The following TNS3 variants were observed in gnomAD, a reference collection of about 807,000 sequenced individuals.
The protein encoded by TNS3 is tensin 3, also known as tensin-3.
In TNS3, 45 loss-of-function variants were observed where a neutral mutation model predicts 140.9. The observed-to-expected ratio is 0.32, with a 90% CI of 0.25 to 0.41. The LOEUF (loss-of-function observed/expected upper bound fraction) is 0.41. TNS3 is among the 10% of genes least tolerant of loss of function. The pLI is 1.00. For synonymous variants in TNS3, 815 were observed against 788.4 expected, an observed-to-expected ratio of 1.03 and a Z score of -0.56; for missense variants, 1,716 against 1,906.7, an observed-to-expected ratio of 0.90 and a Z score of 1.86.
At chr7:47,437,359 A>G (rs895434159) in intron 6 of TNS3, 46 bp from the exon 7 acceptor site, 1 of 920,266 alleles carries the variant, frequency 1.1e-6, no homozygotes, top group Non-Finnish European at 1.5e-6. Flanking sequence ...AGATTTTAAT[A>G]TTTTAAAAAT....
At chr7:47,500,240 G>A (rs936881801) in intron 3 of TNS3, among the ~76,000 whole-genome samples, 7 of 152,190 alleles carry the variant, frequency 4.6e-5, no homozygotes, top group Non-Finnish European at 8.8e-5. Flanking sequence ...GTGCACGGCC[G>A]AGAGCTACCC....
chr7:47,323,054 C>T (rs1306249469), intron 20 of TNS3, among the ~76,000 whole-genome samples: 1 of 152,206 alleles, frequency 6.6e-6, no homozygotes, highest in Non-Finnish European at 1.5e-5. Context: ...CAGCTCTGCA[C>T]ACCCTGGGCC....
At chr7:47,530,838 A>AAAAAAATATATATATATATATATAT in intron 1 of TNS3, among the ~76,000 whole-genome samples, 1 of 54,564 alleles carries the variant, frequency 1.8e-5, no homozygotes, top group African/African-American at 7.9e-5. Context: ...AAAAAAAAAA[A>AAAAAAATATATATATATATATATAT]ATATATATAT....
chr7:47,466,723 T>C (rs1244075098), intron 4 of TNS3, among the ~76,000 whole-genome samples: 1 of 152,206 alleles, frequency 6.6e-6, no homozygotes, highest in East Asian at 1.9e-4. Flanking sequence ...ACTCCCCTTT[T>C]GTGATAGTGC....
chr7:47,295,263 T>A (rs1405310548), intron 24 of TNS3, among the ~76,000 whole-genome samples: 2 of 152,200 alleles, frequency 1.3e-5, no homozygotes, highest in Non-Finnish European at 2.9e-5. Context: ...AGTTATATAC[T>A]CTCATCTAGA....
chr7:47,503,029 G>A (rs1339549231), intron 3 of TNS3, among the ~76,000 whole-genome samples: 1 of 152,150 alleles, frequency 6.6e-6, no homozygotes, highest in East Asian at 1.9e-4. Context: ...ATTAAAGGGG[G>A]AGCTGCGCAT....
chr7:47,412,431 TAA>T (rs1451677978), intron 12 of TNS3, among the ~76,000 whole-genome samples: 1 of 152,106 alleles, frequency 6.6e-6, no homozygotes, highest in Non-Finnish European at 1.5e-5. Context: ...CCAGCCTGGC[TAA>T]CATAGTGAAA....
At chr7:47,518,978 A>C (rs1798872965) in intron 2 of TNS3, among the ~76,000 whole-genome samples, 1 of 152,120 alleles carries the variant, frequency 6.6e-6, no homozygotes. Context: ...GCACTGACTA[A>C]TGTTGATGAA....
At chr7:47,521,654 G>C (rs1798984257) in intron 2 of TNS3, among the ~76,000 whole-genome samples, 1 of 152,098 alleles carries the variant, frequency 6.6e-6, no homozygotes, top group Non-Finnish European at 1.5e-5. Flanking sequence ...CCTGGTGCTT[G>C]AGCTGAAACC....
intron 16 of TNS3, among the ~76,000 whole-genome samples, chr7:47,382,132 G>T (rs1791803160): frequency 6.6e-6 from 1 of 152,146 alleles, no homozygotes; most frequent in South Asian, 2.1e-4. Flanking sequence ...AACGGCCAAG[G>T]TACCTTTATC....
chr7:47,550,187 C>T (rs1466324139), intron 1 of TNS3, among the ~76,000 whole-genome samples: 1 of 152,164 alleles, frequency 6.6e-6, no homozygotes, highest in African/African-American at 2.4e-5. Context: ...TCACCCTGCC[C>T]TTCACCTATC....
chr7:47,447,763 C>T (rs1795819597), intron 4 of TNS3, among the ~76,000 whole-genome samples: 1 of 152,210 alleles, frequency 6.6e-6, no homozygotes, highest in Non-Finnish European at 1.5e-5. Flanking sequence ...TCATCCCATC[C>T]CACAGCGCCC....
chr7:47,353,074 T>C (rs1584464128), intron 17 of TNS3, among the ~76,000 whole-genome samples: 1 of 152,180 alleles, frequency 6.6e-6, no homozygotes, highest in African/African-American at 2.4e-5. Flanking sequence ...CCAGGATCAA[T>C]GCTCACCTCT....
intron 13 of TNS3, among the ~76,000 whole-genome samples, chr7:47,401,328 C>G (rs1288133621): frequency 6.6e-6 from 1 of 152,214 alleles, no homozygotes; most frequent in East Asian, 1.9e-4. Context: ...ATTGTGATAG[C>G]TTTTCTTTGA....
chr7:47,472,324 C>T (rs1286233381), intron 4 of TNS3, among the ~76,000 whole-genome samples: 1 of 152,286 alleles, frequency 6.6e-6, no homozygotes, highest in Admixed American at 6.5e-5. Context: ...CTCTGGGATC[C>T]GTGAGAAGGA....
At chr7:47,334,958 T>C (rs1192973975) in intron 20 of TNS3, among the ~76,000 whole-genome samples, 8 of 152,172 alleles carry the variant, frequency 5.3e-5, no homozygotes, top group Non-Finnish European at 1.0e-4. Context: ...ATTATTCATT[T>C]GTTTTGAAAA....
chr7:47,439,211 G>A (rs906452452), intron 6 of TNS3, among the ~76,000 whole-genome samples: 9 of 152,214 alleles, frequency 5.9e-5, no homozygotes, highest in African/African-American at 2.2e-4. Flanking sequence ...CCAAGGCACT[G>A]GGGAGCCAGC....
chr7:47,415,486 C>T (rs1024276930), intron 10 of TNS3, among the ~76,000 whole-genome samples: 12 of 152,236 alleles, frequency 7.9e-5, no homozygotes, highest in Non-Finnish European at 1.3e-4. Context: ...CTGAACCTAT[C>T]GCCAGGCAAA....
intron 20 of TNS3, among the ~76,000 whole-genome samples, chr7:47,340,116 T>TATATATATATATATATA (rs1491157255): frequency 1.2e-4 from 2 of 16,476 alleles, no homozygotes; most frequent in African/African-American, 3.3e-4. Context: ...TATATATATA[T>TATATATATATATATATA]TTTTTTTTTT....
Sources: gnomAD v4.1 joint callset for allele counts (sites outside exome capture counted in the v4.1 genomes callset) on GRCh38, gnomAD v4.1.1 for gene constraint, MANE v1.5 for transcripts, NCBI Gene and HGNC (gene_info 2026-07-23, HGNC 2026-07-21) for gene names.